The following LONRF3 variants were observed in gnomAD, a reference collection of about 807,000 sequenced individuals.
LONRF3 encodes the protein LON peptidase N-terminal domain and RING finger protein 3.
Under a neutral mutation model 51.7 loss-of-function variants are expected in LONRF3, and 19 were observed. The ratio of observed to expected loss-of-function variants is 0.37; its 90% CI spans 0.26 to 0.54. The LOEUF (loss-of-function observed/expected upper bound fraction) is 0.54. Among genes scored for constraint, LONRF3 ranks in the 20% least tolerant of loss-of-function variants. The pLI, the probability that LONRF3 is intolerant of heterozygous loss-of-function variation, is 0.86. For synonymous variants in LONRF3, 265 were observed against 257.8 expected, an observed-to-expected ratio of 1.03 and a Z score of -0.27; for missense variants, 521 against 623.9, an observed-to-expected ratio of 0.84 and a Z score of 1.76.
intron 5 of LONRF3, among the ~76,000 whole-genome samples, chrX:118,999,944 A>G (rs1467758573): frequency 8.9e-6 from 1 of 111,915 alleles, no homozygotes; most frequent in Non-Finnish European, 1.9e-5. Context: ...AGGTTCTGAA[A>G]ACTGCAGCCA....
At chrX:118,986,837 G>C (rs753640604) in intron 3 of LONRF3, 35 of 858,383 alleles carry the variant, frequency 4.1e-5, no homozygotes, top group Non-Finnish European at 5.5e-5. Context: ...TGCCCTGCAA[G>C]CTGGCTCCCT....
chrX:118,987,068 A>G (rs1047634207), intron 3 of LONRF3: 1 of 1,153,676 alleles, frequency 8.7e-7, no homozygotes, highest in African/African-American at 1.8e-5. Flanking sequence ...ATAATCTACC[A>G]AGGTTGTTAC....
intron 3 of LONRF3, among the ~76,000 whole-genome samples, chrX:118,984,375 G>C (rs777118368): frequency 8.9e-6 from 1 of 112,523 alleles, no homozygotes; most frequent in Non-Finnish European, 1.9e-5. Context: ...CCAGTTCCAG[G>C]ATGAACAAAG....
Position 118,982,858 on chromosome X carries a change from G to T in LONRF3, c.974G>T (p.Gly325Val). Residue 325 changes from glycine to valine, a missense_variant, in exon 3 of 11, where the codon GGC becomes GTC. Coordinates refer to ENST00000371628, the MANE Select transcript of LONRF3 (RefSeq NM_001031855.3). ...FRKAQALATLGKVEEALREFL... is the reference protein window; with the variant it reads ...FRKAQALATLVKVEEALREFL... ...AAAGCCCAAGCCTTAGCCACCCTAGGCAAGGTGGAGGAGGCACTAAGGGAG... is the reference window on the plus strand; with the variant it reads ...AAAGCCCAAGCCTTAGCCACCCTAGTCAAGGTGGAGGAGGCACTAAGGGAG... 1 of 1,210,681 alleles carries T rather than the reference G, an allele frequency of 8.3e-7. No homozygotes were observed. The highest frequency in any genetic ancestry group is 1.8e-5 in the South Asian group (1 of 56,984).
At chrX:119,012,578 G>T (rs1362618156) in intron 8 of LONRF3, among the ~76,000 whole-genome samples, 1 of 111,023 alleles carries the variant, frequency 9.0e-6, no homozygotes, top group Non-Finnish European at 1.9e-5. Flanking sequence ...TAACATAGTG[G>T]AAGGGCATAG....
In LONRF3 at chrX:119,009,251, T is replaced by C. The variant is rs201559349; in HGVS notation, c.1652+4T>C. On this transcript the variant is annotated splice_donor_region_variant and intron_variant, in intron 7 of 10. Coordinates refer to ENST00000371628, the MANE Select transcript of LONRF3 (RefSeq NM_001031855.3). Reference sequence around the variant, plus strand: ...AGGAAATGGAAGAACTTTCTAAGTATGTATATGCATATTTCTGTTTTGTTT... The same window carrying C: ...AGGAAATGGAAGAACTTTCTAAGTACGTATATGCATATTTCTGTTTTGTTT... 69 of 1,200,375 alleles carry C rather than the reference T, an allele frequency of 5.7e-5. No homozygotes were observed. The East Asian group carries it at 1.7e-3, about 30-fold the overall frequency.
chrX:119,001,681 C>T (rs1924326639), intron 5 of LONRF3, among the ~76,000 whole-genome samples: 1 of 112,472 alleles, frequency 8.9e-6, no homozygotes, highest in Non-Finnish European at 1.9e-5. Context: ...TATGCAGCAT[C>T]TGTGGCCGCA....
Position 119,011,949 on chromosome X carries a change from T to C in LONRF3, c.1787T>C (p.Met596Thr). 1 of 1,211,959 alleles carries C rather than the reference T, an allele frequency of 8.3e-7. No homozygotes were observed. The highest frequency in any genetic ancestry group is 1.1e-6 in the Non-Finnish European group (1 of 895,511). Residue 596 changes from methionine (M) to threonine (T), a missense_variant, in exon 8 of 11, where the codon ATG becomes ACG. Met to Thr is a moderately conservative substitution (Grantham distance 81, BLOSUM62 -1). This residue lies in a region of LONRF3 where 145 missense variants were observed against 247.2 expected (regional missense o/e 0.59). Coordinates refer to ENST00000371628, the MANE Select transcript of LONRF3 (RefSeq NM_001031855.3). ...GAGACAGGCACGAGACAGTTTGGCA[T>C]GTGCCTTGGAGATCCTGTCAAAGGG... ...CIETGTRQFG[M>T]CLGDPVKGFA... is the part of the protein sequence containing the mutation.
chrX:118,998,289 G>A (rs781679760), intron 5 of LONRF3, among the ~76,000 whole-genome samples: 1 of 112,499 alleles, frequency 8.9e-6, no homozygotes, highest in East Asian at 2.8e-4. Context: ...GCCATAAAAA[G>A]GAATAAGTTA....
chrX:118,975,427 G>A lies in LONRF3; in HGVS notation c.647G>A (p.Gly216Glu). Residue 216 changes from glycine (G) to glutamate (E), a missense_variant, in exon 1 of 11, where the codon GGG (glycine) becomes GAG (glutamate). Gly to Glu is a moderately conservative substitution (Grantham distance 98, BLOSUM62 -2). Coordinates refer to ENST00000371628, the MANE Select transcript of LONRF3 (RefSeq NM_001031855.3). ...CGGGCGCGTGGAGCCCGGCGGGCTG[G>A]GCAGCAGCCGCCGCCGCCGCTGCGA... ...TGRARGARRA[G>E]QQPPPPLRVN... 8.4e-7 allele frequency: 1 copy of A among 1,189,423 alleles called. No individual in the cohort carries two copies. The highest frequency in any genetic ancestry group is 1.1e-6 in the Non-Finnish European group (1 of 884,759).
Position 119,009,250 on chromosome X carries a change from A to G in LONRF3, c.1652+3A>G. ...GAGGAAATGGAAGAACTTTCTAAGT[A>G]TGTATATGCATATTTCTGTTTTGTT... On this transcript the variant is annotated splice_donor_region_variant and intron_variant, in intron 7 of 10. Transcript: ENST00000371628. 8.3e-7 allele frequency: 1 copy of G among 1,201,612 alleles called. No individual in the cohort carries two copies. Among genetic ancestry groups the G allele is most frequent in the Non-Finnish European group, 1.1e-6 (1 of 889,645 alleles).
At chrX:119,004,566 T>G (rs893772960) in intron 5 of LONRF3, among the ~76,000 whole-genome samples, 3 of 112,569 alleles carry the variant, frequency 2.7e-5, no homozygotes, top group Admixed American at 9.4e-5. Flanking sequence ...AAATTTCTGA[T>G]GCCTGTCCTG....
intron 3 of LONRF3, among the ~76,000 whole-genome samples, chrX:118,985,704 G>A (rs1219053820): frequency 9.0e-6 from 1 of 111,501 alleles, no homozygotes; most frequent in Non-Finnish European, 1.9e-5. Context: ...CTATATTATG[G>A]TGCACTCTCT....
chrX:119,011,953 C>T lies in LONRF3; in HGVS notation c.1791C>T (p.Cys597=). ...CAGGCACGAGACAGTTTGGCATGTG[C>T]CTTGGAGATCCTGTCAAAGGGTAAG... The part of the protein sequence containing the change: ...IETGTRQFGM[C]LGDPVKGFAE... Residue 597 remains cysteine (C), a synonymous_variant, in exon 8 of 11, where the codon TGC becomes TGT. Coordinates refer to ENST00000371628, the MANE Select transcript of LONRF3 (RefSeq NM_001031855.3). The T allele has an allele frequency of 8.3e-7, 1 of 1,211,409 alleles. No individual in the cohort carries two copies. The highest frequency in any genetic ancestry group is 1.1e-6 in the Non-Finnish European group (1 of 895,354).
intron 3 of LONRF3, among the ~76,000 whole-genome samples, chrX:118,988,881 T>C (rs1394588523): frequency 9.2e-6 from 1 of 108,291 alleles, no homozygotes; most frequent in African/African-American, 3.4e-5. Context: ...CAGTGTAACA[T>C]ACAGACCTGG....
At chrX:118,995,773 C>T (rs1352817017) in intron 5 of LONRF3, among the ~76,000 whole-genome samples, 1 of 111,817 alleles carries the variant, frequency 8.9e-6, no homozygotes, top group African/African-American at 3.3e-5. Flanking sequence ...AAATACAATC[C>T]TCCTAGCTTA....
intron 6 of LONRF3, among the ~76,000 whole-genome samples, chrX:119,007,025 A>G (rs1924786163): frequency 8.9e-6 from 1 of 112,498 alleles, no homozygotes. Context: ...CGCCCAGCCT[A>G]TTTCTCCTGT....
In LONRF3 at chrX:118,974,790, G is replaced by A; in HGVS notation, c.10G>A (p.Val4Ile). 8.3e-7 allele frequency: 1 copy of A among 1,206,362 alleles called. No individual in the cohort carries two copies. MES[V>I]RIEQMLSLPA... Reference sequence around the variant, plus strand: ...CCGTGTCCCTCTTCCCATGGAGTCAGTACGGATCGAACAGATGCTGAGCTT... The same window carrying A: ...CCGTGTCCCTCTTCCCATGGAGTCAATACGGATCGAACAGATGCTGAGCTT... Residue 4 changes from valine to isoleucine, a missense_variant, in exon 1 of 11, where the codon GTA becomes ATA. Val to Ile is a conservative substitution (Grantham distance 29). Around this residue, in one of 2 missense-constraint regions of LONRF3, gnomAD observed 376 missense variants for 376.7 expected, o/e 1.00. Transcript: ENST00000371628.
Position 119,015,395 on chromosome X carries a change from A to G in LONRF3, c.2124+1039A>G, listed in dbSNP as rs747217142. Among the ~76,000 whole-genome samples, 35 of 111,674 alleles carry G rather than the reference A, an allele frequency of 3.1e-4. 1 individual carries two copies. The highest frequency in any genetic ancestry group is 6.0e-4 in the Non-Finnish European group (32 of 53,103). On this transcript the variant is annotated intron_variant, in intron 10 of 10. Coordinates refer to ENST00000371628, the MANE Select transcript of LONRF3 (RefSeq NM_001031855.3). ...TTCTAAAGCCCCCTCTTCCTCTTGC[A>G]TTCTGAGGTTCTAAGACACCAGTCT...
Sources: allele counts gnomAD v4.1 joint callset (sites outside exome capture counted in the v4.1 genomes callset), GRCh38; gene constraint gnomAD v4.1.1; regional missense constraint gnomAD v4.1.1; transcripts MANE v1.5; gene names NCBI Gene and HGNC (gene_info 2026-07-23, HGNC 2026-07-21).